SLC49A3: variants seen among roughly 807,000 people sequenced by gnomAD.
SLC49A3 encodes solute carrier family 49 member A3.
Under a neutral mutation model 43.8 loss-of-function variants are expected in SLC49A3, and 50 were observed. The ratio of observed to expected loss-of-function variants is 1.14; its 90% CI spans 0.91 to 1.45. The LOEUF (loss-of-function observed/expected upper bound fraction) is 1.45. SLC49A3 is among the 40% of genes most tolerant of loss of function. The pLI, the probability that SLC49A3 is intolerant of heterozygous loss-of-function variation, is 0.00. For synonymous variants in SLC49A3, 413 were observed against 352.0 expected (o/e 1.17, Z -1.94); for missense variants, 906 against 774.1 (o/e 1.17, Z -2.02).
chr4:680,076 C>G, downstream of SLC49A3: 4 of 1,387,468 alleles, frequency 2.9e-6, no homozygotes. Flanking sequence ...GTTAGAGATC[C>G]GGACATTTCA....
intron 8 of SLC49A3, 132 bp from the exon 9 acceptor site, chr4:683,022 C>T: frequency 9.1e-7 from 1 of 1,103,048 alleles, no homozygotes; most frequent in Non-Finnish European, 1.3e-6. Context: ...CAGCCTCGGT[C>T]ATGGGCCCTA....
At chr4:681,265 C>A, downstream of SLC49A3, 2 of 1,151,066 alleles carry the variant, frequency 1.7e-6, no homozygotes, top group Non-Finnish European at 2.5e-6. Context: ...CAGAACAGGC[C>A]CCCGGGGGGC....
chr4:689,173 G>C, upstream of SLC49A3: 4 of 1,262,552 alleles, frequency 3.2e-6, no homozygotes, highest in Non-Finnish European at 4.0e-6. Context: ...CGGCCGCCCG[G>C]GCTTAAGGAC....
At chr4:678,878 G>A (rs1312139515), downstream of SLC49A3, 59 of 1,606,314 alleles carry the variant, frequency 3.7e-5, 1 homozygote, top group Non-Finnish European at 4.7e-5. Context: ...CTCAGTCAGG[G>A]GTGCTGAGGA....
At chr4:684,632 C>T (rs775564251) in intron 5 of SLC49A3, 33 bp from the exon 6 acceptor site, 28 of 1,611,522 alleles carry the variant, frequency 1.7e-5, no homozygotes, top group South Asian at 1.3e-4. Flanking sequence ...CCCCGGAGCC[C>T]GGGGGCCCTT....
chr4:683,398 T>G (rs770342841), intron 7 of SLC49A3, 31 bp from the exon 8 acceptor site: 1 of 1,595,216 alleles, frequency 6.3e-7, no homozygotes, highest in African/African-American at 1.3e-5. Context: ...GGCAGACAGG[T>G]GGAGGGGGTG....
chr4:691,201 C>T (rs1481846808), upstream of SLC49A3, among the ~76,000 whole-genome samples: 4 of 150,040 alleles, frequency 2.7e-5, no homozygotes, highest in African/African-American at 9.9e-5. Flanking sequence ...AAGAGAATCT[C>T]GAACCCGGGA....
intron 8 of SLC49A3, 87 bp from the exon 9 acceptor site, chr4:682,977 G>A: frequency 7.9e-7 from 1 of 1,266,334 alleles, no homozygotes; most frequent in Non-Finnish European, 1.1e-6. Context: ...CATCGGTGCT[G>A]TCCCTTGTGC....
At chr4:679,269 G>A, downstream of SLC49A3, 1 of 636,224 alleles carries the variant, frequency 1.6e-6, no homozygotes, top group Non-Finnish European at 2.8e-6. Flanking sequence ...TGGAAACTCA[G>A]AGTGGGCTTT....
intron 7 of SLC49A3, 115 bp from the exon 8 acceptor site, chr4:683,482 C>T: frequency 2.0e-6 from 3 of 1,502,144 alleles, no homozygotes. Flanking sequence ...CCGGGGCCAC[C>T]CTGGCTGGCA....
upstream of SLC49A3, chr4:689,251 C>G: frequency 1.8e-6 from 1 of 544,862 alleles, no homozygotes; most frequent in Non-Finnish European, 2.7e-6. Flanking sequence ...CACGGGGGGC[C>G]AGTTCCGCCC....
chr4:678,734 T>C (rs578153071), downstream of SLC49A3: 5 of 1,611,916 alleles, frequency 3.1e-6, no homozygotes, highest in Middle Eastern at 1.7e-4. Context: ...TTCTCCAACT[T>C]TGAGCAGACT....
chr4:682,053 G>T lies in SLC49A3; in HGVS notation c.1585C>A (p.Arg529Ser), dbSNP rs569815897. The T allele has an allele frequency of 2.1e-6, 3 of 1,414,586 alleles. No homozygotes were observed. The highest frequency in any genetic ancestry group is 1.9e-4 in the Middle Eastern group (1 of 5,178). 87.6% of individuals were successfully genotyped at this position (1,414,586 alleles called of 1,614,324 possible). A position where few individuals can be genotyped will look rare whatever the true frequency, so the allele number is the denominator to read the frequency against. ...ACCCTGCCTGCGAGTCTGCCGGGGC[G>T]GGAGGGCGCGTCGGTGGCTGCTGGG... ...QGPAATDAPS[R>S]PGRLAGRVQA... The change falls in exon 10 of 10, where the codon CGC (arginine) becomes AGC (serine). Residue 529 changes from arginine (R) to serine (S), a missense_variant. Physicochemically the swap from Arg to Ser is moderately radical, Grantham distance 110. Transcript: ENST00000322224.
Position 682,109 on chromosome 4 carries a change from G to T in SLC49A3, c.1529C>A (p.Ala510Asp). Residue 510 changes from alanine (A) to aspartate (D), a missense_variant, in exon 10 of 10, where the codon GCC (alanine) becomes GAC (aspartate). Transcript: ENST00000322224. ...DPRGPGSPHP[A>D]CHRATPRAQG... ...CGCACGGGGAGTCGCTCGGTGGCAG[G>T]CTGGGTGGGGGCTCCCGGGCCCTCT... The T allele has an allele frequency of 1.5e-6, 2 of 1,365,720 alleles. No homozygotes were observed. The highest frequency in any genetic ancestry group is 1.9e-6 in the Non-Finnish European group (2 of 1,047,748). The allele number at this position is 1,365,720 out of a possible 1,614,324, so 84.6% of individuals were successfully genotyped here.
chr4:689,580 G>GGCTT (rs961032666), upstream of SLC49A3: 3 of 154,004 alleles, frequency 1.9e-5, no homozygotes, highest in African/African-American at 7.2e-5. Context: ...AGGCTGGGCT[G>GGCTT]GCTTTGCGCA....
downstream of SLC49A3, chr4:679,044 A>C: frequency 1.2e-6 from 2 of 1,612,334 alleles, no homozygotes; most frequent in Non-Finnish European, 1.7e-6. Flanking sequence ...GTAGGTACCC[A>C]GGCAGAACGC....
chr4:688,847 G>C, intron 1 of SLC49A3, 146 bp downstream of exon 1: 1 of 1,306,446 alleles, frequency 7.7e-7, no homozygotes, highest in Non-Finnish European at 9.9e-7. Context: ...TGCCCCCAGT[G>C]CCCGCAATCC....
At chr4:678,178 ATGAGCGTGTG>A (rs1739045371), downstream of SLC49A3, 26 of 1,537,906 alleles carry the variant, frequency 1.7e-5, no homozygotes, top group South Asian at 2.8e-4. Context: ...ATGTGTGTGC[ATGAGCGTGTG>A]TATGTGCGTG....
At chr4:677,088 C>T (rs1370585533), downstream of SLC49A3, among the ~76,000 whole-genome samples, 1 of 152,228 alleles carries the variant, frequency 6.6e-6, no homozygotes, top group Admixed American at 6.5e-5. Context: ...GTCACTCCCA[C>T]CACTGCCCCT....
Sources: allele counts gnomAD v4.1 joint callset (sites outside exome capture counted in the v4.1 genomes callset), GRCh38; gene constraint gnomAD v4.1.1; transcripts MANE v1.5; gene names NCBI Gene and HGNC (gene_info 2026-07-23, HGNC 2026-07-21).